SNAP29: variants seen among roughly 807,000 people sequenced by gnomAD.
SNAP29 encodes synaptosomal-associated protein 29.
A neutral mutation model predicts 27.9 loss-of-function variants in SNAP29; 13 were observed. The ratio of observed to expected loss-of-function variants is 0.47; its 90% CI spans 0.30 to 0.74. SNAP29 has a LOEUF of 0.74. Among genes scored for constraint, SNAP29 ranks in the 30% least tolerant of loss-of-function variants. The probability of loss-of-function intolerance (pLI) is 0.06; values close to 1 mark genes in which losing one functional copy is unlikely to be tolerated. For synonymous variants in SNAP29, 119 were observed against 127.1 expected (o/e 0.94, Z 0.43); for missense variants, 368 against 336.5 (o/e 1.09, Z -0.73).
chr22:20,880,872 T>C (rs1228765957), intron 2 of SNAP29, among the ~76,000 whole-genome samples, 177 bp from the exon 3 acceptor site: 2 of 152,184 alleles, frequency 1.3e-5, no homozygotes, highest in African/African-American at 4.8e-5. Flanking sequence ...AGCTTACTGC[T>C]TGGCCCACTG....
intron 2 of SNAP29, among the ~76,000 whole-genome samples, chr22:20,878,054 C>T (rs1285120084): frequency 4.6e-5 from 7 of 152,194 alleles, no homozygotes; most frequent in Admixed American, 1.3e-4. Context: ...ATAGCTGGAG[C>T]CCTGGGCCTG....
At chr22:20,868,439 A>G (rs576152702) in intron 1 of SNAP29, among the ~76,000 whole-genome samples, 43 of 152,292 alleles carry the variant, frequency 2.8e-4, no homozygotes, top group Non-Finnish European at 5.7e-4. Flanking sequence ...CTTTTTGCCT[A>G]TACATTATGT....
intron 2 of SNAP29, among the ~76,000 whole-genome samples, chr22:20,875,666 C>G (rs996081347): frequency 6.6e-6 from 1 of 152,176 alleles, no homozygotes; most frequent in African/African-American, 2.4e-5. Context: ...TTTCAAGGGC[C>G]CAGCAGGGCC....
At chr22:20,881,649 G>C (rs987743155) in intron 3 of SNAP29, among the ~76,000 whole-genome samples, 1 of 152,226 alleles carries the variant, frequency 6.6e-6, no homozygotes, top group Non-Finnish European at 1.5e-5. Context: ...GGAGGTTGCA[G>C]TGAGCTGAGA....
chr22:20,874,421 C>T (rs916562649), intron 2 of SNAP29, among the ~76,000 whole-genome samples: 36 of 149,466 alleles, frequency 2.4e-4, no homozygotes, highest in African/African-American at 8.9e-4. Context: ...CATGGTGGTA[C>T]GTGCTTGTGG....
In SNAP29 at chr22:20,890,744, G is replaced by A. The variant is rs1929131734; in HGVS notation, c.*2908G>A. 1 of 118,974 alleles carries A rather than the reference G, an allele frequency of 8.4e-6. No individual in the cohort carries two copies. Among genetic ancestry groups the A allele is most frequent in the Non-Finnish European group, 1.6e-5 (1 of 61,816 alleles). The allele number at this position is 118,974 out of a possible 1,614,324, so 7.4% of individuals were successfully genotyped here. On this transcript the variant is annotated 3_prime_UTR_variant, in exon 5 of 5. Coordinates refer to ENST00000215730, the MANE Select transcript of SNAP29 (RefSeq NM_004782.4). ...ATTGCACTCCAGCCTGGGCAACAGAGCAAGACTCCGTCTCAAAAAAAAAAA... is the reference window on the plus strand; with the variant it reads ...ATTGCACTCCAGCCTGGGCAACAGAACAAGACTCCGTCTCAAAAAAAAAAA...
chr22:20,870,046 G>A lies in SNAP29; in HGVS notation c.238-291G>A, dbSNP rs9625020. 0.042 allele frequency among the ~76,000 whole-genome samples: 6,376 copies of A among 152,140 alleles called. 422 individuals carry two copies. Among genetic ancestry groups the A allele is most frequent in the African/African-American group, 0.14 (5,986 of 41,470 alleles). On this transcript the variant is annotated intron_variant, in intron 1 of 4. Coordinates refer to ENST00000215730, the MANE Select transcript of SNAP29 (RefSeq NM_004782.4). The stretch of plus-strand genomic sequence containing the variant: ...AGCCTCCCAAAATGCTGGGATTACG[G>A]GTGTGAATCACTGCGCCACCCTCTG...
rs866573782 is a variant in SNAP29 at position 20,859,442 on chromosome 22, A to G, written c.237+95A>G. The G allele has an allele frequency of 5.5e-5, 53 of 963,462 alleles. No individual in the cohort carries two copies. In the Middle Eastern group the frequency reaches 4.8e-3, roughly 87 times the overall value. The allele number at this position is 963,462 out of a possible 1,614,324, so 59.7% of individuals were successfully genotyped here. On this transcript the variant is annotated intron_variant, in intron 1 of 4. Transcript: ENST00000215730. The stretch of plus-strand genomic sequence containing the variant: ...TGCTCACAATCTTTTGAGAATTCTC[A>G]AGTTGCCTAGCATAGATTCTTGCAC...
rs361726 is a variant in SNAP29, at chr22:20,860,371, C to CTT, written c.237+1039_237+1040dup. ...GATCCTGGAGGGTCTTTTTCTTTTT[C>CTT]TTTTTTTTTTTTTTTTGAGATGGAA... On this transcript the variant is annotated intron_variant, in intron 1 of 4. Coordinates refer to ENST00000215730, the MANE Select transcript of SNAP29 (RefSeq NM_004782.4). Among the ~76,000 whole-genome samples, 9 of 133,890 alleles carry CTT rather than the reference C, an allele frequency of 6.7e-5. No individual in the cohort carries two copies. In the South Asian group the frequency reaches 9.6e-4, roughly 14 times the overall value. 87.8% of individuals were successfully genotyped at this position (133,890 alleles called of 152,430 possible).
Position 20,859,200 on chromosome 22 carries a change from C to T in SNAP29, c.90C>T (p.Asp30=), listed in dbSNP as rs1473533647. The part of the protein sequence containing the change: ...ARPAPWRDAR[D]LPDGPDAPAD... ...CGGCCCCTTGGAGGGACGCCCGAGA[C>T]CTCCCCGACGGGCCCGACGCGCCCG... Residue 30 remains aspartate (D), a synonymous_variant, in exon 1 of 5, where the codon GAC becomes GAT. Transcript: ENST00000215730. 1.5e-5 allele frequency: 24 copies of T among 1,602,436 alleles called. 1 individual carries two copies. The highest frequency in any genetic ancestry group is 1.2e-4 in the African/African-American group (9 of 74,994).
intron 1 of SNAP29, among the ~76,000 whole-genome samples, chr22:20,865,232 G>A (rs1928429657): frequency 6.6e-6 from 1 of 152,076 alleles, no homozygotes; most frequent in Non-Finnish European, 1.5e-5. Flanking sequence ...GTGCATGCCT[G>A]TAGTTCCAGC....
At position 20,873,964 on chromosome 22, in the gene SNAP29, CAAAAAAAAAAAA is replaced by C. The variant is rs362036; in HGVS notation, c.434+3449_434+3460del. ...CCTGGGTAACAGTGAGACTCTGTCT[CAAAAAAAAAAAA>C]AAAAAAAAAAAAAAAAAGGCCGGGC... On this transcript the variant is annotated intron_variant, in intron 2 of 4. Transcript: ENST00000215730. 7.7e-4 allele frequency among the ~76,000 whole-genome samples: 20 copies of C among 25,978 alleles called. 1 individual carries two copies. In the South Asian group the frequency reaches 0.041, roughly 53 times the overall value. The allele number at this position is 25,978 out of a possible 152,430, so 17.0% of individuals were successfully genotyped here.
chr22:20,869,786 A>G (rs1299981987), intron 1 of SNAP29, among the ~76,000 whole-genome samples: 1 of 151,524 alleles, frequency 6.6e-6, no homozygotes, highest in East Asian at 1.9e-4. Context: ...CTCACCCCCA[A>G]CCGAGACGGA....
chr22:20,860,775 C>G (rs992573387), intron 1 of SNAP29, among the ~76,000 whole-genome samples: 1 of 152,136 alleles, frequency 6.6e-6, no homozygotes, highest in Non-Finnish European at 1.5e-5. Flanking sequence ...ATAAGCCAGG[C>G]GCGGTTGTAC....
At chr22:20,869,179 G>C (rs1475032365) in intron 1 of SNAP29, among the ~76,000 whole-genome samples, 1 of 152,212 alleles carries the variant, frequency 6.6e-6, no homozygotes, top group African/African-American at 2.4e-5. Context: ...AGAATCGCTT[G>C]AACACAGGAG....
intron 1 of SNAP29, among the ~76,000 whole-genome samples, chr22:20,860,860 T>G (rs575117195): frequency 3.4e-4 from 51 of 149,714 alleles, no homozygotes; most frequent in African/African-American, 1.3e-3. Flanking sequence ...CCAGCAGGGG[T>G]AACTGCGTCT....
At chr22:20,878,275 C>T (rs1196399242) in intron 2 of SNAP29, among the ~76,000 whole-genome samples, 1 of 152,148 alleles carries the variant, frequency 6.6e-6, no homozygotes, top group Non-Finnish European at 1.5e-5. Context: ...GGCACGGTGG[C>T]TCAAGCCTGT....
intron 4 of SNAP29, among the ~76,000 whole-genome samples, chr22:20,885,119 A>G (rs1569121117): frequency 6.6e-6 from 1 of 152,118 alleles, no homozygotes; most frequent in Non-Finnish European, 1.5e-5. Flanking sequence ...TTGAAATTCA[A>G]GTAGGTGTTG....
At chr22:20,860,882 G>GA in intron 1 of SNAP29, among the ~76,000 whole-genome samples, 1 of 149,844 alleles carries the variant, frequency 6.7e-6, no homozygotes, top group East Asian at 1.9e-4. Context: ...TACAAAATTT[G>GA]AAAAATTAGC....
Sources: gnomAD v4.1 joint callset for allele counts (sites outside exome capture counted in the v4.1 genomes callset) on GRCh38, gnomAD v4.1.1 for gene constraint, MANE v1.5 for transcripts, NCBI Gene and HGNC (gene_info 2026-07-23, HGNC 2026-07-21) for gene names.